KCNMB2: variants seen among roughly 807,000 people sequenced by gnomAD.
KCNMB2 encodes the protein potassium calcium-activated channel subfamily M regulatory beta subunit 2, also known as calcium-activated potassium channel subunit beta-2.
Under a neutral mutation model 24.5 loss-of-function variants are expected in KCNMB2, and 9 were observed. The observed-to-expected ratio is 0.37, with a 90% confidence interval of 0.22 to 0.64. The LOEUF (loss-of-function observed/expected upper bound fraction) is 0.64, where lower values mean the gene tolerates loss of function less well. Ranked by LOEUF, KCNMB2 falls within the 30% of genes least tolerant of loss-of-function variation. The pLI, the probability that KCNMB2 is intolerant of heterozygous loss-of-function variation, is 0.63. For missense variants in KCNMB2, 226 were observed against 284.3 expected, an observed-to-expected ratio of 0.79 and a Z score of 1.47; for synonymous variants, 109 against 104.4, an observed-to-expected ratio of 1.04 and a Z score of -0.27.
chr3:178,643,186 G>A (rs1560145124), intron 1 of KCNMB2, among the ~76,000 whole-genome samples: 3 of 152,168 alleles, frequency 2.0e-5, no homozygotes, highest in Admixed American at 6.5e-5. Flanking sequence ...TTTTATTTAT[G>A]GAACATTCAT....
intron 1 of KCNMB2, among the ~76,000 whole-genome samples, chr3:178,636,818 G>A (rs1719541183): frequency 7.7e-6 from 1 of 129,672 alleles, no homozygotes; most frequent in South Asian, 2.7e-4. Flanking sequence ...GTGCCGTGGT[G>A]GTTTGCTGCA....
chr3:178,735,168 T>C (rs7624351), intron 1 of KCNMB2, among the ~76,000 whole-genome samples: 73,788 of 152,060 alleles, frequency 0.49, 18,378 homozygotes, highest in African/African-American at 0.61. Context: ...TGAAGTAAGA[T>C]AGCCAGAGAG....
intron 1 of KCNMB2, chr3:178,757,018 C>A (rs899116136): frequency 1.3e-5 from 2 of 151,552 alleles, no homozygotes; most frequent in Non-Finnish European, 1.5e-5. Context: ...AAAAAAAATT[C>A]TTGGAAATAT....
At chr3:178,657,171 A>G in intron 1 of KCNMB2, among the ~76,000 whole-genome samples, 1 of 152,168 alleles carries the variant, frequency 6.6e-6, no homozygotes, top group East Asian at 1.9e-4. Context: ...TGACTCCAGA[A>G]CCCATATGTT....
At chr3:178,638,042 C>T (rs1022828121) in intron 1 of KCNMB2, among the ~76,000 whole-genome samples, 9 of 152,120 alleles carry the variant, frequency 5.9e-5, no homozygotes, top group Non-Finnish European at 1.2e-4. Context: ...GATTCAACTG[C>T]CACAACTCAT....
intron 2 of KCNMB2, among the ~76,000 whole-genome samples, chr3:178,813,983 T>TTGTTGC (rs1171041641): frequency 3.8e-4 from 49 of 127,416 alleles, no homozygotes; most frequent in East Asian, 9.7e-4. Context: ...GTTGTTGTTG[T>TTGTTGC]TGCTGCTGCT....
chr3:178,568,898 A>AGATAGATG (rs1387796648), intron 1 of KCNMB2, among the ~76,000 whole-genome samples: 2 of 116,830 alleles, frequency 1.7e-5, no homozygotes, highest in Non-Finnish European at 3.7e-5. Context: ...ATAGATAGAT[A>AGATAGATG]GATGGATAGA....
intron 1 of KCNMB2, among the ~76,000 whole-genome samples, chr3:178,701,627 CAAAA>C (rs1722100049): frequency 6.6e-6 from 1 of 151,914 alleles, no homozygotes; most frequent in African/African-American, 2.4e-5. Context: ...AGACACTTCT[CAAAA>C]GAAGACATTT....
chr3:178,810,909 T>G lies in KCNMB2; in HGVS notation c.56+3444T>G, dbSNP rs528863292. Among the ~76,000 whole-genome samples the G allele has an allele frequency of 3.6e-4, 53 of 146,196 alleles. 1 individual carries two copies. In the South Asian group the frequency reaches 0.011, roughly 31 times the overall value. Reference sequence around the variant, plus strand: ...GCCACCACACCTGGCTAACTTTTTTTTTTTTTTTTTTTTTTTGTATTTTTA... The same window carrying G: ...GCCACCACACCTGGCTAACTTTTTTGTTTTTTTTTTTTTTTTGTATTTTTA... On this transcript the variant is annotated intron_variant, in intron 2 of 4. Coordinates refer to ENST00000452583, the MANE Select transcript of KCNMB2 (RefSeq NM_181361.3).
At chr3:178,569,797 A>C (rs932565514) in intron 1 of KCNMB2, among the ~76,000 whole-genome samples, 3 of 152,186 alleles carry the variant, frequency 2.0e-5, no homozygotes, top group African/African-American at 7.2e-5. Flanking sequence ...TTCTGTCTCA[A>C]AATTCAGTGA....
intron 1 of KCNMB2, among the ~76,000 whole-genome samples, chr3:178,667,027 T>C (rs189862913): frequency 2.0e-4 from 31 of 152,364 alleles, no homozygotes; most frequent in Admixed American, 2.0e-3. Flanking sequence ...AAATGCTACA[T>C]AAATGGTTTT....
At chr3:178,684,788 G>T (rs183323321) in intron 1 of KCNMB2, among the ~76,000 whole-genome samples, 1 of 152,102 alleles carries the variant, frequency 6.6e-6, no homozygotes, top group East Asian at 1.9e-4. Flanking sequence ...CCGAGATCGC[G>T]CCATTGCACT....
intron 1 of KCNMB2, among the ~76,000 whole-genome samples, chr3:178,635,078 CA>C (rs1223042109): frequency 6.6e-6 from 1 of 152,052 alleles, no homozygotes; most frequent in Non-Finnish European, 1.5e-5. Context: ...TAAGGCATAG[CA>C]GGGGGCAGCA....
chr3:178,747,403 C>G (rs1414329703), intron 1 of KCNMB2, among the ~76,000 whole-genome samples: 3 of 152,228 alleles, frequency 2.0e-5, no homozygotes, highest in Admixed American at 1.3e-4. Context: ...GGTGGGGACA[C>G]AGCTAAACCA....
intron 1 of KCNMB2, among the ~76,000 whole-genome samples, chr3:178,745,708 A>G (rs1446112988): frequency 6.6e-6 from 1 of 152,250 alleles, no homozygotes; most frequent in Non-Finnish European, 1.5e-5. Context: ...ATGGGGGTAC[A>G]GCATTGGGTA....
intron 1 of KCNMB2, among the ~76,000 whole-genome samples, chr3:178,568,815 ATAATAG>A (rs1716640833): frequency 2.2e-5 from 1 of 44,990 alleles, no homozygotes; most frequent in Admixed American, 2.2e-4. Flanking sequence ...AGATAGATAG[ATAATAG>A]ATAGATAGAT....
At chr3:178,656,602 G>A (rs368838147) in intron 1 of KCNMB2, among the ~76,000 whole-genome samples, 6 of 151,890 alleles carry the variant, frequency 4.0e-5, no homozygotes, top group East Asian at 1.9e-4. Context: ...GTGAAACCCC[G>A]TCTCTACTGA....
intron 1 of KCNMB2, among the ~76,000 whole-genome samples, chr3:178,592,610 A>G (rs1349164093): frequency 6.6e-6 from 1 of 152,172 alleles, no homozygotes; most frequent in Non-Finnish European, 1.5e-5. Flanking sequence ...AGAGATGTTG[A>G]TAGAGAAGTA....
chr3:178,681,543 C>A (rs1048831208), intron 1 of KCNMB2, among the ~76,000 whole-genome samples: 1 of 152,276 alleles, frequency 6.6e-6, no homozygotes, highest in Admixed American at 6.5e-5. Context: ...TTGGTTCTTA[C>A]AACAACCATG....
Sources: allele counts gnomAD v4.1 joint callset (sites outside exome capture counted in the v4.1 genomes callset), GRCh38; gene constraint gnomAD v4.1.1; transcripts MANE v1.5; gene names NCBI Gene and HGNC (gene_info 2026-07-23, HGNC 2026-07-21).